INPP4B: variants seen among roughly 807,000 people sequenced by gnomAD.
INPP4B encodes the protein inositol polyphosphate 4-phosphatase type II.
Under a neutral mutation model 122.5 loss-of-function variants are expected in INPP4B, and 55 were observed. The observed-to-expected ratio is 0.45, with a 90% CI of 0.36 to 0.56. The LOEUF (loss-of-function observed/expected upper bound fraction) is 0.56. INPP4B is among the 20% of genes least tolerant of loss of function. INPP4B has a pLI of 0.00. For synonymous variants in INPP4B, 403 were observed against 388.7 expected (o/e 1.04, Z -0.43); for missense variants, 1,000 against 1,097.7 (o/e 0.91, Z 1.26).
At chr4:142,459,047 G>A (rs940620209) in intron 3 of INPP4B, among the ~76,000 whole-genome samples, 7 of 152,166 alleles carry the variant, frequency 4.6e-5, no homozygotes, top group Non-Finnish European at 1.0e-4. Context: ...GCTGCAGCCT[G>A]GTGATCACAG....
At chr4:142,643,551 G>A (rs965335230) in intron 2 of INPP4B, among the ~76,000 whole-genome samples, 6 of 152,102 alleles carry the variant, frequency 3.9e-5, no homozygotes, top group African/African-American at 1.4e-4. Context: ...AATCATTGAG[G>A]AGAAAGCTTT....
chr4:142,228,992 A>T (rs570420195), intron 12 of INPP4B, among the ~76,000 whole-genome samples: 1 of 151,898 alleles, frequency 6.6e-6, no homozygotes, highest in East Asian at 1.9e-4. Flanking sequence ...AAATTGATGC[A>T]AACTTTTTAG....
chr4:142,141,001 T>C (rs1461697697), intron 18 of INPP4B, among the ~76,000 whole-genome samples: 2 of 152,210 alleles, frequency 1.3e-5, no homozygotes, highest in Admixed American at 1.3e-4. Flanking sequence ...CTAGAAGATG[T>C]TCAGAGAAAT....
intron 21 of INPP4B, among the ~76,000 whole-genome samples, chr4:142,119,796 TACACAC>T (rs34897089): frequency 0.12 from 18,438 of 148,434 alleles, 1,335 homozygotes; most frequent in East Asian, 0.24. Flanking sequence ...AAAGTATATA[TACACAC>T]ACACACACAC....
At chr4:142,700,933 G>A (rs1021535533) in intron 2 of INPP4B, among the ~76,000 whole-genome samples, 1 of 152,042 alleles carries the variant, frequency 6.6e-6, no homozygotes, top group Non-Finnish European at 1.5e-5. Context: ...ACACATTATG[G>A]TTAAGATCAT....
chr4:142,773,315 T>G (rs1300214858), intron 1 of INPP4B, among the ~76,000 whole-genome samples: 1 of 152,174 alleles, frequency 6.6e-6, no homozygotes, highest in Non-Finnish European at 1.5e-5. Flanking sequence ...ATTACCTTAT[T>G]GACATTTATT....
chr4:142,333,019 AAAAAAAAAC>A (rs1775249778), intron 7 of INPP4B, among the ~76,000 whole-genome samples: 1 of 150,738 alleles, frequency 6.6e-6, no homozygotes, highest in Admixed American at 6.6e-5. Flanking sequence ...TCAAAAAAAA[AAAAAAAAAC>A]AAAAAAAAAA....
intron 2 of INPP4B, among the ~76,000 whole-genome samples, chr4:142,523,366 T>A (rs1025192741): frequency 2.0e-5 from 3 of 152,064 alleles, no homozygotes; most frequent in Admixed American, 2.0e-4. Flanking sequence ...AAGGTGAACA[T>A]GATGTAAGAG....
At chr4:142,166,642 C>T (rs899798023) in intron 16 of INPP4B, among the ~76,000 whole-genome samples, 2 of 151,650 alleles carry the variant, frequency 1.3e-5, no homozygotes, top group Non-Finnish European at 2.9e-5. Context: ...GTCTATCCAT[C>T]TGACAAAGGT....
At chr4:142,753,327 G>A (rs1051537286) in intron 1 of INPP4B, among the ~76,000 whole-genome samples, 2 of 151,932 alleles carry the variant, frequency 1.3e-5, no homozygotes, top group African/African-American at 4.8e-5. Context: ...TCTCATTCTC[G>A]TTATCACACA....
chr4:142,051,214 C>T (rs192228969), intron 25 of INPP4B, among the ~76,000 whole-genome samples: 7 of 152,076 alleles, frequency 4.6e-5, no homozygotes, highest in African/African-American at 9.6e-5. Context: ...ATACTACAGC[C>T]AAGAACACAT....
intron 9 of INPP4B, among the ~76,000 whole-genome samples, chr4:142,282,001 A>G (rs550855195): frequency 7.9e-5 from 12 of 152,244 alleles, no homozygotes; most frequent in African/African-American, 1.9e-4. Flanking sequence ...ATGCACAATA[A>G]TGTAACAGAA....
chr4:142,267,369 T>C (rs1354913515), intron 10 of INPP4B, among the ~76,000 whole-genome samples: 1 of 152,164 alleles, frequency 6.6e-6, no homozygotes, highest in Non-Finnish European at 1.5e-5. Context: ...AACAGACACA[T>C]TGACCGATGG....
chr4:142,184,146 A>T (rs1194272534), intron 15 of INPP4B, among the ~76,000 whole-genome samples: 4 of 152,208 alleles, frequency 2.6e-5, no homozygotes, highest in Admixed American at 2.6e-4. Flanking sequence ...CACTATATAT[A>T]GTGCCTCTTG....
intron 17 of INPP4B, among the ~76,000 whole-genome samples, chr4:142,159,273 G>C (rs78360199): frequency 0.12 from 17,182 of 138,238 alleles, 1,591 homozygotes; most frequent in African/African-American, 0.27. Context: ...AAAAAAAAAA[G>C]TGAAGAAGGT....
intron 2 of INPP4B, among the ~76,000 whole-genome samples, chr4:142,657,025 C>T (rs115004949): frequency 0.012 from 1,753 of 152,266 alleles, 30 homozygotes; most frequent in African/African-American, 0.032. Context: ...TTTCACAATC[C>T]TGTCTGAGGG....
intron 7 of INPP4B, among the ~76,000 whole-genome samples, chr4:142,327,308 G>C (rs560252979): frequency 6.6e-6 from 1 of 152,004 alleles, no homozygotes; most frequent in Non-Finnish European, 1.5e-5. Context: ...CAAAACTATC[G>C]TGATACGGCT....
At chr4:142,628,414 G>A (rs1233311861) in intron 2 of INPP4B, among the ~76,000 whole-genome samples, 2 of 72,790 alleles carry the variant, frequency 2.7e-5, no homozygotes, top group Non-Finnish European at 5.6e-5. Context: ...ACTGTTGTGG[G>A]GTGGGGGGAG....
chr4:142,055,383 A>C (rs1024695495), intron 25 of INPP4B, among the ~76,000 whole-genome samples: 1 of 152,134 alleles, frequency 6.6e-6, no homozygotes, highest in African/African-American at 2.4e-5. Context: ...AAACTTACGC[A>C]GAATAAGCTA....
Sources: allele counts gnomAD v4.1 joint callset (sites outside exome capture counted in the v4.1 genomes callset), GRCh38; gene constraint gnomAD v4.1.1; transcripts MANE v1.5; gene names NCBI Gene and HGNC (gene_info 2026-07-23, HGNC 2026-07-21).